Variants in ADAMDEC1 observed in about 807,000 individuals in gnomAD.
The protein encoded by ADAMDEC1 is ADAM DEC1.
ADAMDEC1 carries 62 observed loss-of-function variants against 60.4 expected under a neutral mutation model. That is an observed-to-expected ratio of 1.03 (90% CI 0.84 to 1.27). ADAMDEC1 has a LOEUF of 1.27. Among genes scored for constraint, ADAMDEC1 ranks in the 50% most tolerant of loss-of-function variants. The pLI is 0.00. For synonymous variants in ADAMDEC1, 210 were observed against 195.1 expected (o/e 1.08, Z -0.64); for missense variants, 595 against 565.0 (o/e 1.05, Z -0.54).
Position 24,392,275 on chromosome 8 carries a change from G to A in ADAMDEC1, c.102G>A (p.Lys34=). 1 of 1,608,352 alleles carries A rather than the reference G, an allele frequency of 6.2e-7. No homozygotes were observed. The highest frequency in any genetic ancestry group is 8.5e-7 in the Non-Finnish European group (1 of 1,177,498). Residue 34 remains lysine (K), a synonymous_variant, in exon 2 of 14, where the codon AAG becomes AAA. Coordinates refer to ENST00000256412, the MANE Select transcript of ADAMDEC1 (RefSeq NM_014479.3). The part of the protein sequence containing the change: ...LIVQTQAIAI[K]QTPELTLHEI... ...CTCTTTCTCTAGCAATAGCCATAAA[G>A]CAAACACCTGAATTAACGCTCCATG...
At chr8:24,386,987 G>A (rs1253436694) in intron 1 of ADAMDEC1, among the ~76,000 whole-genome samples, 3 of 152,150 alleles carry the variant, frequency 2.0e-5, no homozygotes, top group Non-Finnish European at 4.4e-5. Context: ...ACCAGAGGGG[G>A]TATTTACTGG....
chr8:24,387,753 C>T (rs761407440), intron 1 of ADAMDEC1: 4 of 152,216 alleles, frequency 2.6e-5, no homozygotes, highest in Admixed American at 6.5e-5. Context: ...TTACTTACTG[C>T]GCAGTCACTT....
chr8:24,400,785 C>T, intron 11 of ADAMDEC1, among the ~76,000 whole-genome samples: 1 of 116,740 alleles, frequency 8.6e-6, no homozygotes. Flanking sequence ...CTATCCCTCC[C>T]CCTCCCCCCA....
Position 24,405,611 on chromosome 8 carries a change from C to T in ADAMDEC1, c.*313C>T, listed in dbSNP as rs567922768. On this transcript the variant is annotated 3_prime_UTR_variant, in exon 14 of 14. Transcript: ENST00000256412. ...TTCCATCAAATCACCTTAAAATGCA[C>T]GGCTAAACTATTCAGAGTTAACACT... The T allele has an allele frequency of 1.2e-4, 37 of 308,404 alleles. No homozygotes were observed. The highest frequency in any genetic ancestry group is 1.8e-4 in the East Asian group (3 of 16,284). The allele number at this position is 308,404 out of a possible 1,614,324, so 19.1% of individuals were successfully genotyped here.
chr8:24,398,035 A>G (rs1817661712), intron 7 of ADAMDEC1, among the ~76,000 whole-genome samples: 1 of 150,632 alleles, frequency 6.6e-6, no homozygotes, highest in South Asian at 2.1e-4. Context: ...GCAATACTTT[A>G]TATCTTAATA....
At chr8:24,390,285 T>C in intron 1 of ADAMDEC1, 1 of 779,932 alleles carries the variant, frequency 1.3e-6, no homozygotes, top group Non-Finnish European at 1.7e-6. Flanking sequence ...ATGTGAAAAA[T>C]CAAATGTAGT....
intron 11 of ADAMDEC1, among the ~76,000 whole-genome samples, chr8:24,401,593 A>T (rs960133956): frequency 3.3e-5 from 5 of 152,170 alleles, no homozygotes; most frequent in African/African-American, 2.4e-5. Context: ...ATGCAAAATG[A>T]GTGGATAATT....
chr8:24,389,470 T>C (rs904378982), intron 1 of ADAMDEC1, among the ~76,000 whole-genome samples: 4 of 152,170 alleles, frequency 2.6e-5, no homozygotes, highest in African/African-American at 7.2e-5. Context: ...CTGTCTTACA[T>C]TACTGCAATA....
chr8:24,393,582 T>C (rs1179088615), intron 3 of ADAMDEC1, among the ~76,000 whole-genome samples: 1 of 152,216 alleles, frequency 6.6e-6, no homozygotes, highest in Non-Finnish European at 1.5e-5. Flanking sequence ...AACTTCTTTT[T>C]CTACTCAGAT....
At chr8:24,387,527 G>A (rs1253714959) in intron 1 of ADAMDEC1, 1 of 152,122 alleles carries the variant, frequency 6.6e-6, no homozygotes, top group African/African-American at 2.4e-5. Flanking sequence ...CAGAGCTCTA[G>A]GTTTGGCAAG....
rs1585797912 is a variant in ADAMDEC1, at chr8:24,384,328, T to C, written c.-177T>C. 4 of 581,424 alleles carry C rather than the reference T, an allele frequency of 6.9e-6. No homozygotes were observed. The East Asian group carries it at 8.9e-5, about 13-fold the overall frequency. 36.0% of individuals were successfully genotyped at this position (581,424 alleles called of 1,614,324 possible). A position where few individuals can be genotyped will look rare whatever the true frequency, so the allele number is the denominator to read the frequency against. On this transcript the variant is annotated 5_prime_UTR_variant, in exon 1 of 14. Transcript: ENST00000256412. ...AGCTATAACCACAGCCATAAATATC[T>C]CTCAAAGATGAGGAACATTCTCATG...
intron 5 of ADAMDEC1, among the ~76,000 whole-genome samples, chr8:24,396,321 T>C (rs2129360290): frequency 6.6e-6 from 1 of 152,082 alleles, no homozygotes; most frequent in African/African-American, 2.4e-5. Context: ...CCATCCTGGC[T>C]AACACGGTGA....
rs1325194100 is a variant in ADAMDEC1 at position 24,391,673 on chromosome 8, CTT to C, written c.89-588_89-587del. 9.9e-5 allele frequency among the ~76,000 whole-genome samples: 15 copies of C among 152,184 alleles called. No individual in the cohort carries two copies. The East Asian group carries it at 2.9e-3, about 29-fold the overall frequency. ...ACTTTATTTCTTTGAAATCTAAAGT[CTT>C]GGGGGAAAATGCTGAGAAAAAGCAT... On this transcript the variant is annotated intron_variant, in intron 1 of 13. Transcript: ENST00000256412.
chr8:24,397,745 T>C lies in ADAMDEC1; in HGVS notation c.690T>C (p.Phe230=). 1 of 1,612,794 alleles carries C rather than the reference T, an allele frequency of 6.2e-7. No homozygotes were observed. The highest frequency in any genetic ancestry group is 8.5e-7 in the Non-Finnish European group (1 of 1,179,400). ...IDLYLVLDNA[F]YKNYNENLTL... ...TCTATTTGGTGCTGGATAATGCCTT[T>C]GTGAGTATGAAACACACGGCCCTCT... is the stretch of plus-strand genomic sequence containing the variant. The change falls in exon 7 of 14, where the codon TTT becomes TTC. Residue 230 remains phenylalanine (F), a splice_region_variant and synonymous_variant. Transcript: ENST00000256412.
chr8:24,394,181 G>T, intron 4 of ADAMDEC1, 34 bp downstream of exon 4: 1 of 1,511,088 alleles, frequency 6.6e-7, no homozygotes, highest in South Asian at 1.1e-5. Flanking sequence ...TCTCTTTTGA[G>T]TTTTAGATGT....
intron 1 of ADAMDEC1, among the ~76,000 whole-genome samples, chr8:24,388,338 G>C (rs574796878): frequency 1.1e-4 from 16 of 152,040 alleles, no homozygotes; most frequent in Non-Finnish European, 2.1e-4. Flanking sequence ...TCTCTAGTTA[G>C]TCTCATCCCA....
At chr8:24,388,508 C>A (rs1025540105) in intron 1 of ADAMDEC1, among the ~76,000 whole-genome samples, 1 of 152,108 alleles carries the variant, frequency 6.6e-6, no homozygotes, top group African/African-American at 2.4e-5. Flanking sequence ...CTTTCCTTTT[C>A]CATGGCATGA....
intron 1 of ADAMDEC1, among the ~76,000 whole-genome samples, chr8:24,386,175 T>C (rs1354766340): frequency 6.6e-6 from 1 of 152,162 alleles, no homozygotes. Flanking sequence ...GATAACCCAA[T>C]AGTTAACAAT....
chr8:24,395,669 T>TACACACAC (rs3830352), intron 4 of ADAMDEC1, 51 bp from the exon 5 acceptor site: 11 of 1,141,768 alleles, frequency 9.6e-6, no homozygotes, highest in Admixed American at 3.8e-5. Context: ...CACACTCACA[T>TACACACAC]ACACACACAC....
Sources: gnomAD v4.1 joint callset for allele counts (sites outside exome capture counted in the v4.1 genomes callset) on GRCh38, gnomAD v4.1.1 for gene constraint, MANE v1.5 for transcripts, NCBI Gene and HGNC (gene_info 2026-07-23, HGNC 2026-07-21) for gene names.